The following CABIN1 variants were observed in gnomAD, a reference collection of about 807,000 sequenced individuals.
The protein encoded by CABIN1 is calcineurin binding protein 1, also known as calcineurin-binding protein cabin-1.
Under a neutral mutation model 227.7 loss-of-function variants are expected in CABIN1, and 133 were observed. The ratio of observed to expected loss-of-function variants is 0.58; its 90% CI spans 0.51 to 0.67. CABIN1 has a LOEUF of 0.67. Ranked by LOEUF, CABIN1 falls within the 30% of genes least tolerant of loss-of-function variation. The pLI is 0.00. For synonymous variants in CABIN1, 1,086 were observed against 1,155.1 expected (o/e 0.94, Z 1.21); for missense variants, 2,408 against 2,852.5 (o/e 0.84, Z 3.55).
chr22:24,081,329 A>G (rs1018899286), intron 19 of CABIN1, among the ~76,000 whole-genome samples: 4 of 151,998 alleles, frequency 2.6e-5, no homozygotes, highest in African/African-American at 7.3e-5. Context: ...CTAAACTACT[A>G]TTTCTTTAGT....
At chr22:24,165,665 A>T in intron 31 of CABIN1, 39 bp downstream of exon 31, 4 of 1,550,128 alleles carry the variant, frequency 2.6e-6, no homozygotes, top group Non-Finnish European at 3.5e-6. Flanking sequence ...ACGGCCCATG[A>T]ACACGCTTCC....
intron 1 of CABIN1, among the ~76,000 whole-genome samples, chr22:24,018,726 GT>G (rs1040265719): frequency 1.1e-4 from 16 of 150,468 alleles, no homozygotes; most frequent in Admixed American, 4.6e-4. Context: ...CCCCCTTACA[GT>G]TTTTTTTTCA....
At chr22:24,044,162 C>T (rs796293873) in intron 6 of CABIN1, among the ~76,000 whole-genome samples, 3 of 152,160 alleles carry the variant, frequency 2.0e-5, no homozygotes, top group East Asian at 3.9e-4. Context: ...ACATCCTGGC[C>T]TATGCAAACT....
chr22:24,147,605 C>T lies in CABIN1; in HGVS notation c.4746+13190C>T, dbSNP rs948822966. Among the ~76,000 whole-genome samples, 14 of 151,960 alleles carry T rather than the reference C, an allele frequency of 9.2e-5. No homozygotes were observed. The South Asian group carries it at 1.2e-3, about 14-fold the overall frequency. ...CTGGGGCTGCAGATGTGCCCCACCACACCCAGCGCACATCTTTTTTTGAGG... is the reference window on the plus strand; with the variant it reads ...CTGGGGCTGCAGATGTGCCCCACCATACCCAGCGCACATCTTTTTTTGAGG... On this transcript the variant is annotated intron_variant, in intron 29 of 36. Transcript: ENST00000263119.
Position 24,073,399 on chromosome 22 carries a change from A to C in CABIN1, c.2632+889A>C, listed in dbSNP as rs2040228377. On this transcript the variant is annotated intron_variant, in intron 18 of 36. Transcript: ENST00000263119. ...AGTTTATTGAAGATTTTTCCTCAAT[A>C]ATTTGTAAAACAAGAAAAGTGGAAA... is the stretch of plus-strand genomic sequence containing the variant. 2.0e-5 allele frequency among the ~76,000 whole-genome samples: 3 copies of C among 152,226 alleles called. No homozygotes were observed. In the South Asian group the frequency reaches 6.2e-4, roughly 32 times the overall value.
At chr22:24,023,192 A>C (rs146195190) in intron 1 of CABIN1, among the ~76,000 whole-genome samples, 2 of 152,222 alleles carry the variant, frequency 1.3e-5, no homozygotes, top group African/African-American at 4.8e-5. Flanking sequence ...AGTGTTTTCA[A>C]GGTTCATTCA....
chr22:24,078,924 T>C (rs2040617799), intron 19 of CABIN1, among the ~76,000 whole-genome samples: 1 of 151,442 alleles, frequency 6.6e-6, no homozygotes. Context: ...TAGTATATAG[T>C]TACATGAGTT....
At chr22:24,067,229 G>T in intron 16 of CABIN1, 48 bp downstream of exon 16, 2 of 1,588,684 alleles carry the variant, frequency 1.3e-6, no homozygotes, top group East Asian at 2.2e-5. Context: ...TTCTCTCCTT[G>T]CTTGTTTGTG....
At chr22:24,052,448 G>T (rs1244293948) in intron 8 of CABIN1, among the ~76,000 whole-genome samples, 1 of 144,936 alleles carries the variant, frequency 6.9e-6, no homozygotes, top group Non-Finnish European at 1.5e-5. Flanking sequence ...AATTTATGTT[G>T]TATATTTTCT....
At chr22:24,068,253 G>T (rs2039834807) in intron 16 of CABIN1, among the ~76,000 whole-genome samples, 1 of 152,210 alleles carries the variant, frequency 6.6e-6, no homozygotes, top group Non-Finnish European at 1.5e-5. Flanking sequence ...GAGGAGGTCA[G>T]TCAGGCCCAA....
chr22:24,063,944 C>T (rs113853618), intron 14 of CABIN1, 91 bp from the exon 15 acceptor site: 12 of 1,543,026 alleles, frequency 7.8e-6, no homozygotes, highest in Non-Finnish European at 1.1e-5. Flanking sequence ...TCATGGCCTC[C>T]ACAGTCTAGT....
intron 1 of CABIN1, among the ~76,000 whole-genome samples, chr22:24,029,407 C>T (rs1384678045): frequency 1.3e-5 from 2 of 152,100 alleles, no homozygotes; most frequent in Admixed American, 6.5e-5. Context: ...AAAAATTTAG[C>T]CAGGCATGGT....
intron 31 of CABIN1, 60 bp downstream of exon 31, chr22:24,165,686 C>A: frequency 7.0e-7 from 1 of 1,422,694 alleles, no homozygotes; most frequent in Non-Finnish European, 9.8e-7. Context: ...AAGCCCTTCC[C>A]AGGTGGTGGG....
At position 24,042,923 on chromosome 22, in the gene CABIN1, C is replaced by T; in HGVS notation, c.365C>T (p.Thr122Ile). 6.3e-7 allele frequency: 1 copy of T among 1,599,656 alleles called. No individual in the cohort carries two copies. The highest frequency in any genetic ancestry group is 8.5e-7 in the Non-Finnish European group (1 of 1,173,678). The change falls in exon 6 of 37, where the codon ACA becomes ATA. Residue 122 changes from threonine (T) to isoleucine (I), a missense_variant. By Grantham distance (89) the Thr-to-Ile change is moderately conservative. Transcript: ENST00000263119. ...TTCCAGGCAGTGATGCTGGACTCCA[C>T]AGATGTCAACCTCTGGTATAAGATT... ...FYLEAVMLDS[T>I]DVNLWYKIGH...
intron 7 of CABIN1, among the ~76,000 whole-genome samples, chr22:24,049,827 C>T (rs918022538): frequency 6.6e-6 from 1 of 152,120 alleles, no homozygotes; most frequent in Non-Finnish European, 1.5e-5. Context: ...AACTCTCATG[C>T]CATCTTCCCA....
At chr22:24,156,066 G>A in intron 29 of CABIN1, 1 of 426,326 alleles carries the variant, frequency 2.3e-6, no homozygotes, top group Non-Finnish European at 4.2e-6. Flanking sequence ...ATGCCACGGC[G>A]GAGCCGGCGG....
intron 24 of CABIN1, among the ~76,000 whole-genome samples, chr22:24,092,811 A>C (rs1378956387): frequency 6.6e-6 from 1 of 151,826 alleles, no homozygotes; most frequent in Non-Finnish European, 1.5e-5. Context: ...ATAATCCCTA[A>C]GAGTTTGCTA....
intron 4 of CABIN1, among the ~76,000 whole-genome samples, chr22:24,040,191 A>C (rs1445915741): frequency 6.6e-6 from 1 of 152,236 alleles, no homozygotes; most frequent in Non-Finnish European, 1.5e-5. Context: ...AGCCCTGGTC[A>C]GCTGGTTCTT....
rs1242384545 is a variant in CABIN1 at position 24,059,080 on chromosome 22, C to G, written c.1263-147C>G. ...GAGGCCCTGGAGAGAGGCAGAGCCT[C>G]CTGGAGGCCTGGGTTCTGGACCCCA... On this transcript the variant is annotated intron_variant, in intron 10 of 36. Coordinates refer to ENST00000263119, the MANE Select transcript of CABIN1 (RefSeq NM_012295.4). The G allele has an allele frequency of 4.4e-6, 4 of 919,196 alleles. No individual in the cohort carries two copies. The East Asian group carries it at 1.0e-4, about 24-fold the overall frequency. The allele number at this position is 919,196 out of a possible 1,614,324, so 56.9% of individuals were successfully genotyped here. A position where few individuals can be genotyped will look rare whatever the true frequency, so the allele number is the denominator to read the frequency against.
Sources: gnomAD v4.1 joint callset for allele counts (sites outside exome capture counted in the v4.1 genomes callset) on GRCh38, gnomAD v4.1.1 for gene constraint, MANE v1.5 for transcripts, NCBI Gene and HGNC (gene_info 2026-07-23, HGNC 2026-07-21) for gene names.